The following CTPS1 variants were observed in gnomAD, a reference collection of about 807,000 sequenced individuals.
The protein encoded by CTPS1 is CTP synthase 1, also known as CTP synthetase 1.
A neutral mutation model predicts 80.5 loss-of-function variants in CTPS1; 25 were observed. The observed-to-expected ratio is 0.31, with a 90% CI of 0.23 to 0.43. The LOEUF is 0.43. CTPS1 is among the 20% of genes least tolerant of loss of function. CTPS1 has a pLI of 1.00. For synonymous variants in CTPS1, 267 were observed against 252.5 expected (o/e 1.06, Z -0.54); for missense variants, 442 against 725.7 (o/e 0.61, Z 4.49).
At chr1:40,984,584 T>A (rs1642404610) in intron 2 of CTPS1, among the ~76,000 whole-genome samples, 1 of 152,218 alleles carries the variant, frequency 6.6e-6, no homozygotes, top group South Asian at 2.1e-4. Flanking sequence ...CCATGCTATT[T>A]TATAACTCTT....
chr1:41,008,662 A>G lies in CTPS1; in HGVS notation c.1397A>G (p.Lys466Arg), dbSNP rs962110557. ...LFQTKNSVMR[K>R]LYGDADYLEE... Reference sequence around the variant, plus strand: ...TACAGCCCGTTTGTTTTGCCAGGGAAACTCTATGGAGACGCAGACTACTTG... The same window carrying G: ...TACAGCCCGTTTGTTTTGCCAGGGAGACTCTATGGAGACGCAGACTACTTG... Residue 466 changes from lysine (K) to arginine (R), a missense_variant, in exon 15 of 19, where the codon AAA (lysine) becomes AGA (arginine). Lys to Arg is a conservative substitution (Grantham distance 26). Coordinates refer to ENST00000650070, the MANE Select transcript of CTPS1 (RefSeq NM_001905.4). The G allele has an allele frequency of 6.2e-6, 10 of 1,614,042 alleles. No individual in the cohort carries two copies. The highest frequency in any genetic ancestry group is 4.0e-5 in the African/African-American group (3 of 74,932).
At chr1:40,999,035 C>T (rs377625977) in intron 9 of CTPS1, among the ~76,000 whole-genome samples, 5 of 152,266 alleles carry the variant, frequency 3.3e-5, no homozygotes, top group East Asian at 3.9e-4. Flanking sequence ...GAAAAGGCAA[C>T]GGTCTCCGCC....
At chr1:40,995,307 C>A (rs1642722175) in intron 7 of CTPS1, among the ~76,000 whole-genome samples, 1 of 152,098 alleles carries the variant, frequency 6.6e-6, no homozygotes, top group African/African-American at 2.4e-5. Context: ...CAACCTCCAA[C>A]TCCCAGGCTC....
intron 8 of CTPS1, among the ~76,000 whole-genome samples, chr1:40,996,292 G>A (rs534029063): frequency 6.6e-6 from 1 of 152,224 alleles, no homozygotes; most frequent in African/African-American, 2.4e-5. Flanking sequence ...CGGGCCTCCA[G>A]ACAATGAGTT....
chr1:40,984,997 A>G lies in CTPS1; in HGVS notation c.337+6A>G, dbSNP rs1347013621. ...CTTGGGGAAAACTGTCCAAGGTAAT[A>G]CTGGATTTACCTTTAAAGCTTAAAA... On this transcript the variant is annotated splice_donor_region_variant and intron_variant, in intron 3 of 18. Transcript: ENST00000650070. The G allele has an allele frequency of 6.5e-7, 1 of 1,549,402 alleles. No individual in the cohort carries two copies. Among genetic ancestry groups the G allele is most frequent in the Non-Finnish European group, 8.8e-7 (1 of 1,138,126 alleles).
chr1:40,981,862 T>A, intron 1 of CTPS1: 1 of 530,278 alleles, frequency 1.9e-6, no homozygotes, highest in Non-Finnish European at 2.9e-6. Flanking sequence ...TCTTTCTTGC[T>A]CTGGGGAGGG....
chr1:40,987,356 G>A lies in CTPS1; in HGVS notation c.338-16G>A, dbSNP rs778555647. 1.9e-6 allele frequency: 3 copies of A among 1,594,754 alleles called. No homozygotes were observed. Among genetic ancestry groups the A allele is most frequent in the Non-Finnish European group, 2.6e-6 (3 of 1,162,508 alleles). On this transcript the variant is annotated splice_polypyrimidine_tract_variant and intron_variant, in intron 3 of 18. Transcript: ENST00000650070. ...ATGGACAAGCGTAAGTTCCCTGTTT[G>A]TTTTCTTTTTCCCAGTTGTCCCTCA... is the stretch of plus-strand genomic sequence containing the variant.
chr1:41,006,010 C>T lies in CTPS1; in HGVS notation c.1253-41C>T, dbSNP rs150606206. The T allele has an allele frequency of 4.0e-4, 607 of 1,510,200 alleles. 1 individual carries two copies. The highest frequency in any genetic ancestry group is 4.8e-4 in the Non-Finnish European group (526 of 1,085,634). 93.5% of individuals were successfully genotyped at this position (1,510,200 alleles called of 1,614,324 possible). On this transcript the variant is annotated intron_variant, in intron 12 of 18. Transcript: ENST00000650070. ...TAGCAATGAAACTATTAATCACTTT[C>T]GTTTGTAACTATTTTCATAACAAGT...
chr1:41,009,181 A>G (rs1364552377), intron 16 of CTPS1, among the ~76,000 whole-genome samples: 1 of 152,162 alleles, frequency 6.6e-6, no homozygotes, highest in Non-Finnish European at 1.5e-5. Context: ...CGCAAGACTC[A>G]GTCTACAGAA....
chr1:40,998,168 G>T (rs1434881847), intron 9 of CTPS1, among the ~76,000 whole-genome samples: 1 of 152,124 alleles, frequency 6.6e-6, no homozygotes, highest in Non-Finnish European at 1.5e-5. Flanking sequence ...GGAGGCCGAG[G>T]TGGGCAGATC....
rs2148423928 is a variant in CTPS1, at chr1:41,012,099, ATTGC to A, written c.*456_*459del. ...CACTTGGTGCTGGGAACCTCAGGGT[ATTGC>A]TTGCCACTAAGCCATGAAACCAGAG... On this transcript the variant is annotated 3_prime_UTR_variant, in exon 19 of 19. Transcript: ENST00000650070. The A allele has an allele frequency of 6.6e-6, 1 of 152,314 alleles. No homozygotes were observed. Among genetic ancestry groups the A allele is most frequent in the East Asian group, 1.9e-4 (1 of 5,184 alleles). The allele number at this position is 152,314 out of a possible 1,614,324, so 9.4% of individuals were successfully genotyped here.
chr1:40,984,683 G>A, intron 2 of CTPS1, 138 bp from the exon 3 acceptor site: 2 of 610,544 alleles, frequency 3.3e-6, no homozygotes, highest in Non-Finnish European at 5.2e-6. Flanking sequence ...GTCATATTTA[G>A]TCTTCTAGAA....
At position 40,997,562 on chromosome 1, in the gene CTPS1, G is replaced by A. The variant is rs755690012; in HGVS notation, c.1005+36G>A. 1.2e-5 allele frequency: 19 copies of A among 1,606,084 alleles called. No homozygotes were observed. In the South Asian group the frequency reaches 2.1e-4, roughly 18 times the overall value. ...TGGCACAGGTACAGCCAAAGGATGA[G>A]CAGGGAAGCAGTCTGTAGTCTCGTA... On this transcript the variant is annotated intron_variant, in intron 9 of 18. Coordinates refer to ENST00000650070, the MANE Select transcript of CTPS1 (RefSeq NM_001905.4).
At position 41,009,399 on chromosome 1, in the gene CTPS1, G is replaced by T. The variant is rs776545900; in HGVS notation, c.1547-46G>T. ...CAGATTTTGTTCTTTTACACTTTGTGCATAACCTTCACAATGAAGCTGTTT... is the reference window on the plus strand; with the variant it reads ...CAGATTTTGTTCTTTTACACTTTGTTCATAACCTTCACAATGAAGCTGTTT... On this transcript the variant is annotated intron_variant, in intron 16 of 18. Coordinates refer to ENST00000650070, the MANE Select transcript of CTPS1 (RefSeq NM_001905.4). 3 of 1,513,808 alleles carry T rather than the reference G, an allele frequency of 2.0e-6. No homozygotes were observed. In the African/African-American group the frequency reaches 4.2e-5, roughly 21 times the overall value. The allele number at this position is 1,513,808 out of a possible 1,614,324, so 93.8% of individuals were successfully genotyped here. A position where few individuals can be genotyped will look rare whatever the true frequency, so the allele number is the denominator to read the frequency against.
chr1:40,985,954 A>G (rs577364370), intron 3 of CTPS1, among the ~76,000 whole-genome samples: 1 of 152,348 alleles, frequency 6.6e-6, no homozygotes, highest in African/African-American at 2.4e-5. Context: ...ACACATAGAA[A>G]GGAATCAGTT....
chr1:41,002,336 T>C (rs923368381), intron 11 of CTPS1, 82 bp downstream of exon 11: 9 of 1,097,088 alleles, frequency 8.2e-6, no homozygotes, highest in Non-Finnish European at 9.8e-6. Flanking sequence ...ATGAACAAAG[T>C]GGGGGGATTA....
At position 41,009,582 on chromosome 1, in the gene CTPS1, T is replaced by C. The variant is rs1643118670; in HGVS notation, c.1684T>C (p.Ser562Pro). Reference protein sequence around the residue: ...SHYLQKGCRLSPRDTYSDRSG... With the variant: ...SHYLQKGCRLPPRDTYSDRSG... The stretch of plus-strand genomic sequence containing the variant: ...TTACCTCCAGAAAGGCTGCAGGCTC[T>C]CACCCAGGTAGGCGCACTCTTTGCT... The change falls in exon 17 of 19, where the codon TCA (serine) becomes CCA (proline). Residue 562 changes from serine to proline, a missense_variant. Physicochemically the swap from Ser to Pro is moderately conservative, Grantham distance 74. Transcript: ENST00000650070. 9.3e-6 allele frequency: 15 copies of C among 1,614,148 alleles called. No individual in the cohort carries two copies. Among genetic ancestry groups the C allele is most frequent in the Non-Finnish European group, 1.2e-5 (14 of 1,180,032 alleles).
intron 12 of CTPS1, chr1:41,004,288 C>T (rs1008616104): frequency 6.6e-6 from 1 of 152,242 alleles, no homozygotes; most frequent in Non-Finnish European, 1.5e-5. Context: ...ACAAGTGACT[C>T]TGGTGGCCAG....
At chr1:40,982,883 A>G (rs1348985430) in intron 1 of CTPS1, among the ~76,000 whole-genome samples, 1 of 152,098 alleles carries the variant, frequency 6.6e-6, no homozygotes, top group African/African-American at 2.4e-5. Context: ...TTTTTTTCCC[A>G]TGTAGGGAAA....
Sources: gnomAD v4.1 joint callset for allele counts (sites outside exome capture counted in the v4.1 genomes callset) on GRCh38, gnomAD v4.1.1 for gene constraint, MANE v1.5 for transcripts, NCBI Gene and HGNC (gene_info 2026-07-23, HGNC 2026-07-21) for gene names.